KDM5A: variants seen among roughly 807,000 people sequenced by gnomAD.
The protein encoded by KDM5A is lysine-specific demethylase 5A.
Under a neutral mutation model 193.5 loss-of-function variants are expected in KDM5A, and 42 were observed. The ratio of observed to expected loss-of-function variants is 0.22; its 90% confidence interval spans 0.17 to 0.28. KDM5A has a LOEUF of 0.28. Ranked by LOEUF, KDM5A falls within the 10% of genes least tolerant of loss-of-function variation. The pLI, the probability that KDM5A is intolerant of heterozygous loss-of-function variation, is 1.00. For missense variants in KDM5A, 1,692 were observed against 2,055.1 expected, an observed-to-expected ratio of 0.82 and a Z score of 3.42; for synonymous variants, 796 against 718.1, an observed-to-expected ratio of 1.11 and a Z score of -1.73.
intron 3 of KDM5A, among the ~76,000 whole-genome samples, chr12:370,011 ACT>A (rs1349118502): frequency 6.6e-6 from 1 of 152,130 alleles, no homozygotes; most frequent in Non-Finnish European, 1.5e-5. Context: ...CGCATACAAT[ACT>A]CTAACAATCT....
At chr12:374,717 G>T (rs1944479159) in intron 3 of KDM5A, among the ~76,000 whole-genome samples, 1 of 152,166 alleles carries the variant, frequency 6.6e-6, no homozygotes, top group South Asian at 2.1e-4. Flanking sequence ...GGTACCAGTT[G>T]TTCCTTTACA....
intron 3 of KDM5A, among the ~76,000 whole-genome samples, chr12:378,672 T>C (rs1241876806): frequency 6.6e-6 from 1 of 152,152 alleles, no homozygotes; most frequent in Non-Finnish European, 1.5e-5. Flanking sequence ...AAACTGTAAT[T>C]ATTCAGCCAG....
intron 27 of KDM5A, among the ~76,000 whole-genome samples, chr12:291,641 T>G (rs770583933): frequency 6.6e-6 from 1 of 152,248 alleles, no homozygotes; most frequent in East Asian, 1.9e-4. Context: ...TTTTATTTAC[T>G]GTTTATATTT....
intron 7 of KDM5A, 72 bp downstream of exon 7, chr12:355,086 T>TACCAGG (rs1944215261): frequency 2.2e-6 from 2 of 891,330 alleles, no homozygotes; most frequent in Non-Finnish European, 3.8e-6. Context: ...TACCATGATA[T>TACCAGG]ATCAGGATAG....
At chr12:358,486 A>C (rs551726167) in intron 5 of KDM5A, among the ~76,000 whole-genome samples, 62 of 152,352 alleles carry the variant, frequency 4.1e-4, no homozygotes, top group African/African-American at 1.4e-3. Context: ...AGTATATAAC[A>C]ATAAAGCTGA....
At chr12:360,941 G>A (rs1220474175) in intron 5 of KDM5A, among the ~76,000 whole-genome samples, 3 of 152,206 alleles carry the variant, frequency 2.0e-5, no homozygotes, top group African/African-American at 7.2e-5. Context: ...TTTGCCCACA[G>A]AGATAGACAA....
At chr12:375,360 A>C (rs1386260706) in intron 3 of KDM5A, among the ~76,000 whole-genome samples, 1 of 152,230 alleles carries the variant, frequency 6.6e-6, no homozygotes, top group African/African-American at 2.4e-5. Flanking sequence ...CCAAATGATC[A>C]AATTGGCTAC....
At chr12:372,083 C>A (rs1481663222) in intron 3 of KDM5A, among the ~76,000 whole-genome samples, 1 of 152,088 alleles carries the variant, frequency 6.6e-6, no homozygotes, top group African/African-American at 2.4e-5. Context: ...GCAATGTGGG[C>A]TCTTTTTTGG....
At chr12:348,453 C>T (rs1944106450) in intron 10 of KDM5A, among the ~76,000 whole-genome samples, 3 of 152,170 alleles carry the variant, frequency 2.0e-5, no homozygotes, top group South Asian at 2.1e-4. Context: ...TGTAAAGACA[C>T]GTTCACACGT....
Position 307,559 on chromosome 12 carries a change from T to C in KDM5A, c.3825A>G (p.Lys1275=). 3 of 1,614,150 alleles carry C rather than the reference T, an allele frequency of 1.9e-6. No homozygotes were observed. The highest frequency in any genetic ancestry group is 2.5e-6 in the Non-Finnish European group (3 of 1,180,018). The part of the protein sequence containing the change: ...ATDELSSALA[K]LSVLSQRMVE... ...CCATACGCTGGCTCAACACAGATAG[T>C]TTGGCCAGGGCAGAGGATAGTTCAT... Residue 1275 remains lysine, a synonymous_variant, in exon 23 of 28, where the codon AAA becomes AAG. Transcript: ENST00000399788. This position sits in a 1 kb window ranked among gnomAD's most constrained non-coding sequence, Gnocchi z 4.3.
Position 310,898 on chromosome 12 carries a change from T to G in KDM5A, c.3203A>C (p.His1068Pro), listed in dbSNP as rs115939216. ...GRTFLKKNSS[H>P]TLLQVLSPRT... The stretch of plus-strand genomic sequence containing the variant: ...AAGTTCAAGTACCTGTAACAATGTA[T>G]GGCTAGAATTCTTCTTAAGAAACGT... The change falls in exon 21 of 28, where the codon CAT (histidine) becomes CCT (proline). Residue 1068 changes from histidine to proline, a missense_variant. Around this residue, in one of 11 missense-constraint regions of KDM5A, gnomAD observed 965 missense variants for 1,061.0 expected, o/e 0.91. Transcript: ENST00000399788. 1.2e-6 allele frequency: 2 copies of G among 1,614,216 alleles called. No individual in the cohort carries two copies. Among genetic ancestry groups the G allele is most frequent in the African/African-American group, 2.7e-5 (2 of 75,056 alleles).
chr12:372,012 T>C (rs1253335414), intron 3 of KDM5A, among the ~76,000 whole-genome samples: 5 of 152,210 alleles, frequency 3.3e-5, no homozygotes, highest in African/African-American at 1.2e-4. Context: ...CCTTGTAGTA[T>C]AGTTTGAAGT....
intron 3 of KDM5A, among the ~76,000 whole-genome samples, chr12:373,432 T>C (rs547761100): frequency 6.6e-6 from 1 of 152,356 alleles, no homozygotes; most frequent in East Asian, 1.9e-4. Context: ...TTGGTGGTGA[T>C]ATCCCCTTTA....
At chr12:313,250 AT>A in intron 19 of KDM5A, 56 bp from the exon 20 acceptor site, 1 of 1,588,872 alleles carries the variant, frequency 6.3e-7, no homozygotes, top group Non-Finnish European at 8.6e-7. Context: ...TTTAAGTAAC[AT>A]TTCAGAATGT....
Position 282,179 on chromosome 12 carries a change from G to C in KDM5A, c.*3277C>G, listed in dbSNP as rs145831592. The C allele has an allele frequency of 1.9e-4, 49 of 253,132 alleles. No homozygotes were observed. The highest frequency in any genetic ancestry group is 1.0e-3 in the African/African-American group (46 of 45,698). The allele number at this position is 253,132 out of a possible 1,614,324, so 15.7% of individuals were successfully genotyped here. ...AGCCTCTGTCCTTTAAAAAAAGAGA[G>C]AGACAGACAGACACATGGGGTCTCG... On this transcript the variant is annotated 3_prime_UTR_variant, in exon 28 of 28. Transcript: ENST00000399788.
chr12:347,493 CACTACCTGACTTTAA>C (rs1944093830), intron 10 of KDM5A, among the ~76,000 whole-genome samples: 1 of 152,182 alleles, frequency 6.6e-6, no homozygotes, highest in Admixed American at 6.5e-5. Context: ...GGAGGCATCA[CACTACCTGACTTTAA>C]ACTATACTAC....
chr12:376,134 G>T (rs1944501105), intron 3 of KDM5A, among the ~76,000 whole-genome samples: 2 of 152,240 alleles, frequency 1.3e-5, no homozygotes, highest in Non-Finnish European at 2.9e-5. Flanking sequence ...TAAGTCTGCA[G>T]AGGTTTCTAC....
At chr12:292,439 G>T (rs755250495) in intron 27 of KDM5A, among the ~76,000 whole-genome samples, 1 of 152,120 alleles carries the variant, frequency 6.6e-6, no homozygotes, top group Non-Finnish European at 1.5e-5. Context: ...TCACCTTATA[G>T]GGAAGGCACA....
rs953353190 is a variant in KDM5A at position 283,081 on chromosome 12, T to A, written c.*2375A>T. The A allele has an allele frequency of 4.3e-6, 1 of 231,138 alleles. No individual in the cohort carries two copies. The highest frequency in any genetic ancestry group is 8.6e-6 in the Non-Finnish European group (1 of 116,820). The allele number at this position is 231,138 out of a possible 1,614,324, so 14.3% of individuals were successfully genotyped here. On this transcript the variant is annotated 3_prime_UTR_variant, in exon 28 of 28. Transcript: ENST00000399788. ...AGGTGACAGGAAGCTATTCATACTTTCTCAGCATCCTCATGACTCTCCACT... is the reference window on the plus strand; with the variant it reads ...AGGTGACAGGAAGCTATTCATACTTACTCAGCATCCTCATGACTCTCCACT...
Sources: allele counts gnomAD v4.1 joint callset (sites outside exome capture counted in the v4.1 genomes callset), GRCh38; gene constraint gnomAD v4.1.1; regional missense constraint gnomAD v4.1.1; non-coding constraint Gnocchi (gnomAD v3.1); transcripts MANE v1.5; gene names NCBI Gene and HGNC (gene_info 2026-07-23, HGNC 2026-07-21).